APBA1: variants seen among roughly 807,000 people sequenced by gnomAD.
APBA1 encodes the protein amyloid beta precursor protein binding family A member 1, also known as amyloid-beta A4 precursor protein-binding family A member 1.
Under a neutral mutation model 86.6 loss-of-function variants are expected in APBA1, and 55 were observed. The ratio of observed to expected loss-of-function variants is 0.64; its 90% confidence interval spans 0.51 to 0.80. The LOEUF is 0.80. Ranked by LOEUF, APBA1 falls within the 30% of genes least tolerant of loss-of-function variation. The pLI is 0.00. For missense variants in APBA1, 1,090 were observed against 1,183.0 expected, an observed-to-expected ratio of 0.92 and a Z score of 1.15; for synonymous variants, 511 against 493.9, an observed-to-expected ratio of 1.03 and a Z score of -0.46.
At chr9:69,455,295 CAG>C (rs935278627) in intron 8 of APBA1, among the ~76,000 whole-genome samples, 1 of 152,050 alleles carries the variant, frequency 6.6e-6, no homozygotes, top group African/African-American at 2.4e-5. Context: ...CAATGGCCCT[CAG>C]GGGGTGGGTG....
At position 69,517,038 on chromosome 9, in the gene APBA1, T is replaced by C; in HGVS notation, c.173A>G (p.Glu58Gly). The C allele has an allele frequency of 6.3e-7, 1 of 1,580,212 alleles. No homozygotes were observed. The highest frequency in any genetic ancestry group is 8.5e-7 in the Non-Finnish European group (1 of 1,169,890). Reference sequence around the variant, plus strand: ...CTGGCCGAGCTGGGCGCGGAGGTCCTCGAGGGCTCGCCCGCGCTGGTGGCG... The same window carrying C: ...CTGGCCGAGCTGGGCGCGGAGGTCCCCGAGGGCTCGCCCGCGCTGGTGGCG... ...VGRHQRGRAL[E>G]DLRAQLGQEE... Residue 58 changes from glutamate to glycine, a missense_variant, in exon 2 of 13, where the codon GAG becomes GGG. Transcript: ENST00000265381.
At chr9:69,558,111 T>A (rs993817973) in intron 1 of APBA1, among the ~76,000 whole-genome samples, 2 of 152,228 alleles carry the variant, frequency 1.3e-5, no homozygotes, top group African/African-American at 2.4e-5. Context: ...GGCTTTCTGA[T>A]GAATTATTCC....
chr9:69,563,037 G>C (rs903553126), intron 1 of APBA1, among the ~76,000 whole-genome samples: 1 of 152,174 alleles, frequency 6.6e-6, no homozygotes, highest in Non-Finnish European at 1.5e-5. Context: ...GTCATCTCAA[G>C]ATGCTTAAAA....
chr9:69,652,392 A>T (rs1823523887), intron 1 of APBA1, among the ~76,000 whole-genome samples: 1 of 152,084 alleles, frequency 6.6e-6, no homozygotes. Flanking sequence ...AGGGAGGGGG[A>T]TATGTTGGGA....
At chr9:69,598,355 G>A (rs1351601973) in intron 1 of APBA1, among the ~76,000 whole-genome samples, 1 of 151,964 alleles carries the variant, frequency 6.6e-6, no homozygotes, top group Non-Finnish European at 1.5e-5. Flanking sequence ...AGTGGGTGCA[G>A]CGCACCAGCA....
chr9:69,568,766 C>A (rs1445565218), intron 1 of APBA1, among the ~76,000 whole-genome samples: 1 of 152,152 alleles, frequency 6.6e-6, no homozygotes, highest in East Asian at 1.9e-4. Flanking sequence ...ACGCCTGGGT[C>A]CTCATGTCTC....
intron 11 of APBA1, among the ~76,000 whole-genome samples, chr9:69,437,115 C>T (rs1005174714): frequency 6.6e-6 from 1 of 151,850 alleles, no homozygotes; most frequent in Non-Finnish European, 1.5e-5. Flanking sequence ...CCTTGCATCC[C>T]AGGGATGAAG....
intron 1 of APBA1, among the ~76,000 whole-genome samples, chr9:69,594,129 T>C (rs781276886): frequency 1.3e-4 from 20 of 152,162 alleles, no homozygotes; most frequent in Non-Finnish European, 2.4e-4. Flanking sequence ...GCTGGTTCTG[T>C]CCAACTTTTC....
At chr9:69,472,632 C>A (rs1835383767) in intron 3 of APBA1, 1 of 152,158 alleles carries the variant, frequency 6.6e-6, no homozygotes, top group Non-Finnish European at 1.5e-5. Flanking sequence ...TGAGAACCTA[C>A]CCGGTTCTTA....
chr9:69,482,696 C>T (rs1294170014), intron 2 of APBA1, among the ~76,000 whole-genome samples: 2 of 151,686 alleles, frequency 1.3e-5, no homozygotes, highest in Admixed American at 1.3e-4. Context: ...CGGCATTAGT[C>T]GCAATAGCAA....
chr9:69,471,620 T>A (rs1223746625), intron 4 of APBA1, 36 bp downstream of exon 4: 2 of 1,583,464 alleles, frequency 1.3e-6, no homozygotes, highest in Admixed American at 1.7e-5. Flanking sequence ...GATTCATGAA[T>A]GACTCAGTGC....
chr9:69,672,555 CGCG>C (rs1156962478), upstream of APBA1, among the ~76,000 whole-genome samples: 3 of 147,500 alleles, frequency 2.0e-5, no homozygotes, highest in Non-Finnish European at 3.0e-5. Flanking sequence ...CCCGCGAGCC[CGCG>C]GCGGCGGCGG....
intron 1 of APBA1, among the ~76,000 whole-genome samples, chr9:69,583,565 G>A (rs1025657427): frequency 2.0e-5 from 3 of 152,170 alleles, no homozygotes; most frequent in Admixed American, 6.5e-5. Flanking sequence ...ATACTAAAAT[G>A]ATGTTATTAG....
intron 1 of APBA1, among the ~76,000 whole-genome samples, chr9:69,610,104 G>A (rs2133981150): frequency 6.6e-6 from 1 of 152,268 alleles, no homozygotes; most frequent in Middle Eastern, 3.4e-3. Flanking sequence ...GATCACTTGA[G>A]GCCAGGAGTT....
At chr9:69,456,528 T>C (rs1308556750) in intron 7 of APBA1, 96 bp from the exon 8 acceptor site, 2 of 1,325,056 alleles carry the variant, frequency 1.5e-6, no homozygotes, top group Non-Finnish European at 2.1e-6. Context: ...ATGGTTCGCA[T>C]GCAGGGTGGG....
At position 69,647,146 on chromosome 9, in the gene APBA1, C is replaced by T. The variant is rs909275214; in HGVS notation, c.-70+25007G>A. 7.2e-5 allele frequency among the ~76,000 whole-genome samples: 11 copies of T among 152,218 alleles called. No individual in the cohort carries two copies. In the East Asian group the frequency reaches 1.5e-3, roughly 21 times the overall value. ...AACCTCGATTATCTAATAAAATATC[C>T]CAGACTGGACCCTGAGGTTTCATTA... is the stretch of plus-strand genomic sequence containing the variant. On this transcript the variant is annotated intron_variant, in intron 1 of 12. Coordinates refer to ENST00000265381, the MANE Select transcript of APBA1 (RefSeq NM_001163.4).
chr9:69,642,037 G>A (rs1257826181), intron 1 of APBA1, among the ~76,000 whole-genome samples: 1 of 152,046 alleles, frequency 6.6e-6, no homozygotes, highest in Non-Finnish European at 1.5e-5. Context: ...GTAGAGATGG[G>A]GTTTCACCAT....
At chr9:69,628,870 T>A (rs1290897846) in intron 1 of APBA1, among the ~76,000 whole-genome samples, 1 of 152,202 alleles carries the variant, frequency 6.6e-6, no homozygotes, top group African/African-American at 2.4e-5. Flanking sequence ...ATGTAATAGT[T>A]CTGGAGTAAA....
chr9:69,505,179 G>A (rs1329270302), intron 2 of APBA1, among the ~76,000 whole-genome samples: 4 of 152,116 alleles, frequency 2.6e-5, no homozygotes, highest in Non-Finnish European at 1.5e-5. Flanking sequence ...CAGAGTACAT[G>A]TCCCAGGAAG....
Sources: gnomAD v4.1 joint callset for allele counts (sites outside exome capture counted in the v4.1 genomes callset) on GRCh38, gnomAD v4.1.1 for gene constraint, MANE v1.5 for transcripts, NCBI Gene and HGNC (gene_info 2026-07-23, HGNC 2026-07-21) for gene names.